ABHD12: variants seen among roughly 807,000 people sequenced by gnomAD.
ABHD12 encodes abhydrolase domain containing 12, lysophospholipase.
Under a neutral mutation model 58.3 loss-of-function variants are expected in ABHD12, and 43 were observed. The observed-to-expected ratio is 0.74, with a 90% CI of 0.58 to 0.95. The LOEUF is 0.95. Among genes scored for constraint, ABHD12 ranks in the 40% least tolerant of loss-of-function variants. ABHD12 has a pLI of 0.00. For missense variants in ABHD12, 539 were observed against 537.2 expected, an observed-to-expected ratio of 1.00 and a Z score of -0.03; for synonymous variants, 219 against 211.2, an observed-to-expected ratio of 1.04 and a Z score of -0.32.
intron 1 of ABHD12, among the ~76,000 whole-genome samples, chr20:25,340,022 C>T (rs1459756192): frequency 3.9e-5 from 6 of 152,188 alleles, no homozygotes; most frequent in Admixed American, 6.5e-5. Flanking sequence ...TCCCAAACCC[C>T]CTTTCAAAAC....
intron 2 of ABHD12, among the ~76,000 whole-genome samples, chr20:25,332,666 T>A (rs2146012859): frequency 6.7e-6 from 1 of 149,286 alleles, no homozygotes; most frequent in Non-Finnish European, 1.5e-5. Flanking sequence ...TCAAAACAGC[T>A]CAACTACATG....
intron 2 of ABHD12, among the ~76,000 whole-genome samples, chr20:25,332,413 C>A (rs1299172669): frequency 1.3e-5 from 2 of 151,904 alleles, no homozygotes; most frequent in Non-Finnish European, 2.9e-5. Context: ...AGAAAGTCAA[C>A]AAGGATACCC....
intron 6 of ABHD12, 31 bp downstream of exon 6, chr20:25,314,894 T>C: frequency 1.2e-6 from 2 of 1,613,572 alleles, no homozygotes; most frequent in South Asian, 1.1e-5. Context: ...AGTGGAATTG[T>C]GCTCAGATGC....
Position 25,378,720 on chromosome 20 carries a change from C to G in ABHD12, c.191+11793G>C, listed in dbSNP as rs536399308. On this transcript the variant is annotated intron_variant, in intron 1 of 12. Transcript: ENST00000339157. ...AACTTTTTTTTTTTTTTTTTTTTAC[C>G]ATGAAGCTCAGGACAACTTCAGGCT... 2.8e-5 allele frequency among the ~76,000 whole-genome samples: 4 copies of G among 141,840 alleles called. No individual in the cohort carries two copies. The East Asian group carries it at 7.9e-4, about 28-fold the overall frequency. 93.1% of individuals were successfully genotyped at this position (141,840 alleles called of 152,430 possible).
intron 1 of ABHD12, among the ~76,000 whole-genome samples, chr20:25,389,174 G>A (rs1250908259): frequency 6.6e-6 from 1 of 151,492 alleles, no homozygotes; most frequent in African/African-American, 2.4e-5. Context: ...TAATAAAATT[G>A]TATTAAAGTT....
At chr20:25,331,713 T>TA (rs917887167) in intron 2 of ABHD12, among the ~76,000 whole-genome samples, 1 of 151,930 alleles carries the variant, frequency 6.6e-6, no homozygotes, top group African/African-American at 2.4e-5. Flanking sequence ...CTAAGCTTCA[T>TA]AAGTGAAGGA....
intron 1 of ABHD12, among the ~76,000 whole-genome samples, chr20:25,371,924 T>C (rs969692070): frequency 2.0e-5 from 3 of 152,234 alleles, no homozygotes; most frequent in African/African-American, 7.2e-5. Context: ...TTCAGTGCTA[T>C]ATTTTCACTT....
intron 3 of ABHD12, among the ~76,000 whole-genome samples, chr20:25,322,971 C>T (rs2089107990): frequency 6.6e-6 from 1 of 151,084 alleles, no homozygotes; most frequent in Non-Finnish European, 1.5e-5. Context: ...GATCCACTTG[C>T]CTCAGCCTCC....
At chr20:25,306,181 A>AAAAAC (rs1491492069) in intron 10 of ABHD12, among the ~76,000 whole-genome samples, 2 of 27,368 alleles carry the variant, frequency 7.3e-5, no homozygotes, top group Non-Finnish European at 1.6e-4. Context: ...AAACAAAAAC[A>AAAAAC]AAAAAAAAAA....
chr20:25,296,660 G>A (rs954409645), downstream of ABHD12: 7 of 1,191,382 alleles, frequency 5.9e-6, no homozygotes, highest in East Asian at 5.1e-5. Context: ...GGCCATGGGG[G>A]TCAGGGTGGT....
chr20:25,366,292 T>C (rs371840411), intron 1 of ABHD12, among the ~76,000 whole-genome samples: 17 of 152,040 alleles, frequency 1.1e-4, no homozygotes, highest in African/African-American at 4.1e-4. Flanking sequence ...TTTTTTTTTT[T>C]AAGAAGGAGT....
In ABHD12 at chr20:25,306,498, C is replaced by G. The variant is rs946751903; in HGVS notation, c.950+335G>C. On this transcript the variant is annotated intron_variant, in intron 10 of 12. Transcript: ENST00000339157. ...GGCTCAGGTGATCCTCCTAACTCAG[C>G]CTCCCATGTAGCTGGGACCACAGGT... Among the ~76,000 whole-genome samples, 7 of 152,244 alleles carry G rather than the reference C, an allele frequency of 4.6e-5. 1 individual carries two copies. In the South Asian group the frequency reaches 1.2e-3, roughly 27 times the overall value.
At chr20:25,358,148 TTCATAC>T (rs1220385879) in intron 1 of ABHD12, among the ~76,000 whole-genome samples, 14 of 152,196 alleles carry the variant, frequency 9.2e-5, no homozygotes. Context: ...ATTTTAAATA[TTCATAC>T]TCTTTGACCC....
intron 1 of ABHD12, among the ~76,000 whole-genome samples, chr20:25,386,512 G>A (rs947550695): frequency 1.3e-5 from 2 of 151,650 alleles, no homozygotes; most frequent in Non-Finnish European, 2.9e-5. Flanking sequence ...AGCCTGCCTC[G>A]GCCTCCCAAA....
rs1296329745 is a variant in ABHD12 at position 25,334,966 on chromosome 20, T to A, written c.316+4261A>T. Among the ~76,000 whole-genome samples the A allele has an allele frequency of 3.9e-5, 6 of 151,966 alleles. No individual in the cohort carries two copies. The East Asian group carries it at 5.8e-4, about 15-fold the overall frequency. ...CAAAATTGACAAATGGGATCTAATT[T>A]AACTAAAGAGCTTCTGCACAGCAAA... On this transcript the variant is annotated intron_variant, in intron 2 of 12. Coordinates refer to ENST00000339157, the MANE Select transcript of ABHD12 (RefSeq NM_001042472.3).
At chr20:25,343,156 C>T (rs1049081868) in intron 1 of ABHD12, among the ~76,000 whole-genome samples, 8 of 152,252 alleles carry the variant, frequency 5.3e-5, no homozygotes, top group Middle Eastern at 3.4e-3. Flanking sequence ...CCAAAACTCA[C>T]GTAAGAAATA....
downstream of ABHD12, chr20:25,296,844 A>ACAT: frequency 5.9e-6 from 2 of 337,360 alleles, no homozygotes; most frequent in Non-Finnish European, 1.1e-5. Flanking sequence ...AACTTTGCAC[A>ACAT]CATCTTGCTA....
At chr20:25,384,324 T>G (rs974711159) in intron 1 of ABHD12, among the ~76,000 whole-genome samples, 2 of 149,542 alleles carry the variant, frequency 1.3e-5, no homozygotes, top group Admixed American at 1.3e-4. Context: ...CAAAAAAAAC[T>G]GGTTTGGGGT....
chr20:25,387,590 T>TAAAAAAAAAAAAA (rs57449867), intron 1 of ABHD12, among the ~76,000 whole-genome samples: 1 of 113,046 alleles, frequency 8.8e-6, no homozygotes, highest in Non-Finnish European at 1.7e-5. Context: ...TCATCTCTAT[T>TAAAAAAAAAAAAA]AAAAAAAAAA....
Sources: allele counts gnomAD v4.1 joint callset (sites outside exome capture counted in the v4.1 genomes callset), GRCh38; gene constraint gnomAD v4.1.1; transcripts MANE v1.5; gene names NCBI Gene and HGNC (gene_info 2026-07-23, HGNC 2026-07-21).